The following VPS13D variants were observed in gnomAD, a reference collection of about 807,000 sequenced individuals.
VPS13D encodes vacuolar protein sorting 13 homolog D.
A neutral mutation model predicts 461.9 loss-of-function variants in VPS13D; 187 were observed. That is an observed-to-expected ratio of 0.40 (90% CI 0.36 to 0.46). The LOEUF (loss-of-function observed/expected upper bound fraction) is 0.46, where lower values mean the gene tolerates loss of function less well. Ranked by LOEUF, VPS13D falls within the 20% of genes least tolerant of loss-of-function variation. The pLI is 0.60. For missense variants in VPS13D, 4,711 were observed against 5,364.9 expected (o/e 0.88, Z 3.81); for synonymous variants, 1,951 against 1,986.3 (o/e 0.98, Z 0.47).
chr1:12,416,839 G>T lies in VPS13D; in HGVS notation c.12333+12G>T. ...ACTCTGCTGCCAAGGTAAGGAAATA[G>T]AGGTGAAATTCCATTATAATTAACC... On this transcript the variant is annotated intron_variant, in intron 65 of 69. Coordinates refer to ENST00000620676, the MANE Select transcript of VPS13D (RefSeq NM_015378.4). The T allele has an allele frequency of 6.2e-7, 1 of 1,605,328 alleles. No individual in the cohort carries two copies. The highest frequency in any genetic ancestry group is 8.5e-7 in the Non-Finnish European group (1 of 1,176,638).
intron 47 of VPS13D, 64 bp downstream of exon 47, chr1:12,354,285 A>G (rs1156641719): frequency 1.9e-6 from 3 of 1,576,216 alleles, no homozygotes; most frequent in Non-Finnish European, 2.6e-6. Context: ...GTATTTTGTG[A>G]TTATTTATTT....
intron 55 of VPS13D, among the ~76,000 whole-genome samples, chr1:12,375,337 T>G (rs1570037900): frequency 6.6e-6 from 1 of 152,200 alleles, no homozygotes; most frequent in East Asian, 1.9e-4. Context: ...CCTAGGGTTT[T>G]TTAATCTATG....
chr1:12,417,893 GTCTTTTCTTTTTCTTTTT>G (rs1297282299), intron 65 of VPS13D, among the ~76,000 whole-genome samples: 1 of 152,100 alleles, frequency 6.6e-6, no homozygotes, highest in African/African-American at 2.4e-5. Flanking sequence ...ATAAGCAACA[GTCTTTTCTTTTTCTTTTT>G]TCTTTTCTTT....
rs748135161 is a variant in VPS13D, at chr1:12,327,845, A to G, written c.8188A>G (p.Thr2730Ala). ...TTGTGATGTTCCTCTCGCTGAACTC[A>G]CCTTTTCCCGTGAGTGTTGTACTGG... is the stretch of plus-strand genomic sequence containing the variant. ...MDCDVPLAEL[T>A]FSRLNFLQRV... The change falls in exon 36 of 70, where the codon ACC (threonine) becomes GCC (alanine). Residue 2730 changes from threonine (T) to alanine (A), a missense_variant. By Grantham distance (58) the Thr-to-Ala change is moderately conservative. This residue lies in a region of VPS13D where 4,411 missense variants were observed against 4,937.8 expected (regional missense o/e 0.89). Coordinates refer to ENST00000620676, the MANE Select transcript of VPS13D (RefSeq NM_015378.4). The G allele has an allele frequency of 6.2e-6, 10 of 1,612,948 alleles. No individual in the cohort carries two copies. Among genetic ancestry groups the G allele is most frequent in the Non-Finnish European group, 8.5e-6 (10 of 1,179,916 alleles).
chr1:12,292,518 C>A (rs1001464196), intron 23 of VPS13D, among the ~76,000 whole-genome samples: 2 of 145,796 alleles, frequency 1.4e-5, no homozygotes, highest in Admixed American at 7.2e-5. Context: ...CAGCTCATTG[C>A]AACCTCTACC....
At position 12,277,084 on chromosome 1, in the gene VPS13D, G is replaced by A; in HGVS notation, c.3496G>A (p.Val1166Ile). Residue 1166 changes from valine (V) to isoleucine (I), a missense_variant, in exon 19 of 70, where the codon GTT becomes ATT. By Grantham distance (29) the Val-to-Ile change is conservative. Transcript: ENST00000620676. ...GTCTACATATGAACAAAACACTGAG[G>A]TTGCAGTGGAAATCCATAGGCTGAA... Reference protein sequence around the residue: ...YQSTYEQNTEVAVEIHRLNLL... With the variant: ...YQSTYEQNTEIAVEIHRLNLL... 6.2e-7 allele frequency: 1 copy of A among 1,614,152 alleles called. No homozygotes were observed. Among genetic ancestry groups the A allele is most frequent in the Non-Finnish European group, 8.5e-7 (1 of 1,180,040 alleles).
chr1:12,421,024 C>T (rs1360592036), intron 65 of VPS13D, among the ~76,000 whole-genome samples: 2 of 151,976 alleles, frequency 1.3e-5, no homozygotes, highest in South Asian at 2.1e-4. Context: ...GCAAAAGAAA[C>T]GTCTCATTTC....
At chr1:12,330,407 T>G (rs977196177) in intron 37 of VPS13D, among the ~76,000 whole-genome samples, 1 of 152,034 alleles carries the variant, frequency 6.6e-6, no homozygotes, top group Admixed American at 6.5e-5. Context: ...AGAGCAAGGC[T>G]CTGTCTCAAA....
chr1:12,333,405 C>T lies in VPS13D; in HGVS notation c.8428+39C>T, dbSNP rs114743750. On this transcript the variant is annotated intron_variant, in intron 38 of 69. Transcript: ENST00000620676. ...TGTCTTTCATAGACTGATACCTTTC[C>T]GTACCTAAGTTCTGAGTCTGGAAGA... 2,955 of 1,607,648 alleles carry T rather than the reference C, an allele frequency of 1.8e-3. 45 individuals are homozygous for T. In the African/African-American group the frequency reaches 0.032, roughly 17 times the overall value.
intron 67 of VPS13D, among the ~76,000 whole-genome samples, chr1:12,477,489 G>C (rs925193728): frequency 1.3e-5 from 2 of 152,108 alleles, no homozygotes; most frequent in Non-Finnish European, 1.5e-5. Context: ...CTCCAGTGGC[G>C]TCCTCTGTAG....
rs1641711598 is a variant in VPS13D, at chr1:12,279,406, C to T, written c.4451-93C>T. ...CTGCCCTCCTGGTCTAAGTGTAACT[C>T]ATGGGCTGTATTTTGTATATTCTAC... On this transcript the variant is annotated intron_variant, in intron 19 of 69. Coordinates refer to ENST00000620676, the MANE Select transcript of VPS13D (RefSeq NM_015378.4). This position sits in a 1 kb window ranked among gnomAD's most constrained non-coding sequence, Gnocchi z 4.3. 2 of 1,389,338 alleles carry T rather than the reference C, an allele frequency of 1.4e-6. No individual in the cohort carries two copies. The highest frequency in any genetic ancestry group is 1.9e-6 in the Non-Finnish European group (2 of 1,041,834). 86.1% of individuals were successfully genotyped at this position (1,389,338 alleles called of 1,614,324 possible).
chr1:12,319,028 T>A (rs1642961772), intron 31 of VPS13D, among the ~76,000 whole-genome samples: 1 of 152,226 alleles, frequency 6.6e-6, no homozygotes, highest in Non-Finnish European at 1.5e-5. Flanking sequence ...ACTTACTGAT[T>A]TCAAAAATCT....
intron 52 of VPS13D, among the ~76,000 whole-genome samples, chr1:12,365,549 C>T (rs575421614): frequency 6.6e-6 from 1 of 152,016 alleles, no homozygotes; most frequent in African/African-American, 2.4e-5. Flanking sequence ...ACTGAAAATA[C>T]AAAAATTAGC....
rs761238013 is a variant in VPS13D at position 12,277,750 on chromosome 1, A to G, written c.4162A>G (p.Ile1388Val). 3.7e-6 allele frequency: 6 copies of G among 1,614,102 alleles called. No individual in the cohort carries two copies. The highest frequency in any genetic ancestry group is 4.2e-6 in the Non-Finnish European group (5 of 1,180,050). ...AAACATTGAATCACCAGTTGTTTCT[A>G]TCCCTCGGAAGCCGGGGAGTCCTGA... ...NINIESPVVS[I>V]PRKPGSPELL... The change falls in exon 19 of 70, where the codon ATC becomes GTC. Residue 1388 changes from isoleucine (I) to valine (V), a missense_variant. By Grantham distance (29) the Ile-to-Val change is conservative (BLOSUM62 3). Coordinates refer to ENST00000620676, the MANE Select transcript of VPS13D (RefSeq NM_015378.4).
chr1:12,346,366 G>A (rs891698306), intron 43 of VPS13D, among the ~76,000 whole-genome samples: 1 of 152,124 alleles, frequency 6.6e-6, no homozygotes, highest in Non-Finnish European at 1.5e-5. Flanking sequence ...TCCCTCATAG[G>A]TACCTTTCTT....
chr1:12,299,316 G>A lies in VPS13D; in HGVS notation c.6148G>A (p.Gly2050Arg). ...AAATAATCTGATTGTAGCAAATTTG[G>A]GGAAGTTGAAAGTCAAAAATAAGTT... ...RSNNLIVANL[G>R]KLKVKNKFLF... Residue 2050 changes from glycine to arginine, a missense_variant, in exon 25 of 70, where the codon GGG (glycine) becomes AGG (arginine). This residue lies in a region of VPS13D where 4,411 missense variants were observed against 4,937.8 expected (regional missense o/e 0.89). Transcript: ENST00000620676. This position sits in a 1 kb window ranked among gnomAD's most constrained non-coding sequence, Gnocchi z 4.2. 1 of 1,613,858 alleles carries A rather than the reference G, an allele frequency of 6.2e-7. No individual in the cohort carries two copies. Among genetic ancestry groups the A allele is most frequent in the Non-Finnish European group, 8.5e-7 (1 of 1,179,962 alleles).
In VPS13D at chr1:12,311,225, G is replaced by A. The variant is rs150243177; in HGVS notation, c.6651-229G>A. 1.1e-3 allele frequency among the ~76,000 whole-genome samples: 169 copies of A among 152,174 alleles called. 4 individuals carry two copies. The East Asian group carries it at 0.03, about 27-fold the overall frequency. On this transcript the variant is annotated intron_variant, in intron 27 of 69. Transcript: ENST00000620676. ...GCCACCACACCTGGCCTGGTTTGAG[G>A]ATTTTCTAAATGTAAATTTTGGGAG...
chr1:12,340,751 A>G (rs1260411402), intron 40 of VPS13D, among the ~76,000 whole-genome samples: 1 of 152,228 alleles, frequency 6.6e-6, no homozygotes, highest in South Asian at 2.1e-4. Context: ...TAGACACATA[A>G]GAAGATTGAG....
At chr1:12,255,176 C>A (rs948611431) in intron 7 of VPS13D, among the ~76,000 whole-genome samples, 17 of 152,142 alleles carry the variant, frequency 1.1e-4, no homozygotes, top group Non-Finnish European at 2.4e-4. Context: ...GAACTCCTGA[C>A]CTCAGGTGAT....
Sources: gnomAD v4.1 joint callset for allele counts (sites outside exome capture counted in the v4.1 genomes callset) on GRCh38, gnomAD v4.1.1 for gene constraint, gnomAD v4.1.1 regional missense constraint, Gnocchi (gnomAD v3.1) non-coding constraint, MANE v1.5 for transcripts, NCBI Gene and HGNC (gene_info 2026-07-23, HGNC 2026-07-21) for gene names.